Variants in FHIT observed in about 807,000 individuals in gnomAD.
FHIT encodes the protein fragile histidine triad diadenosine triphosphatase, also known as bis(5'-adenosyl)-triphosphatase.
Under a neutral mutation model 17.9 loss-of-function variants are expected in FHIT, and 19 were observed. The ratio of observed to expected loss-of-function variants is 1.06; its 90% CI spans 0.74 to 1.56. The LOEUF (loss-of-function observed/expected upper bound fraction) is 1.56. Ranked by LOEUF, FHIT falls within the 40% of genes most tolerant of loss-of-function variation. The pLI is 0.00. For synonymous variants in FHIT, 81 were observed against 69.7 expected, an observed-to-expected ratio of 1.16 and a Z score of -0.81; for missense variants, 248 against 189.2, an observed-to-expected ratio of 1.31 and a Z score of -1.82.
At position 60,947,091 on chromosome 3, in the gene FHIT, G is replaced by A. The variant is rs539935716; in HGVS notation, c.-111+94956C>T. Among the ~76,000 whole-genome samples the A allele has an allele frequency of 1.7e-4, 26 of 152,308 alleles. No individual in the cohort carries two copies. In the South Asian group the frequency reaches 5.4e-3, roughly 32 times the overall value. The stretch of plus-strand genomic sequence containing the variant: ...TTCTTCTTAATCTCTGAGTCTTGAG[G>A]AAAAGGGCAAGGGCAGGTATGAGTC... On this transcript the variant is annotated intron_variant, in intron 3 of 9. Coordinates refer to ENST00000492590, the MANE Select transcript of FHIT (RefSeq NM_002012.4).
chr3:60,512,718 C>T (rs999896488), intron 5 of FHIT, among the ~76,000 whole-genome samples: 5 of 152,126 alleles, frequency 3.3e-5, no homozygotes, highest in African/African-American at 1.2e-4. Context: ...TATTTGGTGT[C>T]CTTGCCAAAA....
chr3:60,299,422 T>G (rs552239215), intron 5 of FHIT, among the ~76,000 whole-genome samples: 1 of 152,246 alleles, frequency 6.6e-6, no homozygotes, highest in African/African-American at 2.4e-5. Context: ...ATGAATATTC[T>G]TCCTTCATCT....
At chr3:60,950,798 C>G (rs137898338) in intron 3 of FHIT, among the ~76,000 whole-genome samples, 2,272 of 151,860 alleles carry the variant, frequency 0.015, 59 homozygotes, top group African/African-American at 0.052. Flanking sequence ...GCTGAGATTA[C>G]AGGCGTGAGC....
intron 5 of FHIT, among the ~76,000 whole-genome samples, chr3:60,205,199 C>A (rs974062154): frequency 1.3e-5 from 2 of 152,022 alleles, no homozygotes; most frequent in Admixed American, 6.5e-5. Context: ...AATTATGTTA[C>A]CGCCACTGGA....
chr3:60,019,262 T>C (rs954493998), intron 5 of FHIT, among the ~76,000 whole-genome samples: 1 of 152,232 alleles, frequency 6.6e-6, no homozygotes, highest in East Asian at 1.9e-4. Flanking sequence ...GTAGAGATAT[T>C]CTGTCTTCTA....
chr3:60,705,031 T>C (rs1266475150), intron 4 of FHIT, among the ~76,000 whole-genome samples: 1 of 151,380 alleles, frequency 6.6e-6, no homozygotes, highest in East Asian at 1.9e-4. Context: ...ACATACTCTG[T>C]TAAGTCCACT....
intron 3 of FHIT, among the ~76,000 whole-genome samples, chr3:60,970,450 T>TAATTAATTAAGAATAATTAA (rs1709959204): frequency 2.0e-5 from 3 of 152,194 alleles, no homozygotes; most frequent in Non-Finnish European, 4.4e-5. Context: ...ATTTAGTGTT[T>TAATTAATTAAGAATAATTAA]TGTATTAATA....
intron 5 of FHIT, among the ~76,000 whole-genome samples, chr3:60,339,565 C>T (rs1297481789): frequency 2.6e-5 from 4 of 152,186 alleles, no homozygotes; most frequent in African/African-American, 9.7e-5. Context: ...TTTACCCAAG[C>T]TCCTTACTTA....
At chr3:60,007,900 G>A (rs188641087) in intron 7 of FHIT, among the ~76,000 whole-genome samples, 1 of 152,250 alleles carries the variant, frequency 6.6e-6, no homozygotes, top group African/African-American at 2.4e-5. Flanking sequence ...TGGCACACTT[G>A]AGGGTAGACA....
intron 2 of FHIT, among the ~76,000 whole-genome samples, chr3:61,171,434 G>A (rs2038001148): frequency 1.3e-5 from 2 of 152,042 alleles, no homozygotes; most frequent in Non-Finnish European, 2.9e-5. Flanking sequence ...CTTTTGTTAT[G>A]CAGAAGCTCT....
At chr3:59,782,463 C>G (rs1314074657) in intron 8 of FHIT, among the ~76,000 whole-genome samples, 1 of 152,188 alleles carries the variant, frequency 6.6e-6, no homozygotes, top group East Asian at 1.9e-4. Flanking sequence ...TCATCTCACT[C>G]ATGAATCAGA....
At chr3:61,229,706 A>T (rs762412035) in intron 1 of FHIT, among the ~76,000 whole-genome samples, 3 of 152,212 alleles carry the variant, frequency 2.0e-5, no homozygotes, top group Admixed American at 1.3e-4. Flanking sequence ...AGTTTTCAGT[A>T]CATAATAGTG....
chr3:59,821,273 A>C (rs1465468434), intron 8 of FHIT, among the ~76,000 whole-genome samples: 1 of 152,212 alleles, frequency 6.6e-6, no homozygotes, highest in Non-Finnish European at 1.5e-5. Flanking sequence ...GAGTAGAAGA[A>C]AACAAACATG....
chr3:61,213,332 C>G (rs1456443719), intron 1 of FHIT, among the ~76,000 whole-genome samples: 1 of 150,380 alleles, frequency 6.6e-6, no homozygotes, highest in Non-Finnish European at 1.5e-5. Flanking sequence ...AAATGGAAAA[C>G]AAAAAAAGGC....
intron 5 of FHIT, among the ~76,000 whole-genome samples, chr3:60,111,956 A>G (rs1704692095): frequency 6.6e-6 from 1 of 152,144 alleles, no homozygotes; most frequent in African/African-American, 2.4e-5. Context: ...TATTATTTGT[A>G]TCTCTTAAAT....
In FHIT at chr3:60,663,153, G is replaced by GTGATATATATATAT. The variant is rs57146494; in HGVS notation, c.-17-126175_-17-126174insATATATATATATCA. Among the ~76,000 whole-genome samples, 142 of 78,006 alleles carry GTGATATATATATAT rather than the reference G, an allele frequency of 1.8e-3. 21 individuals are homozygous for GTGATATATATATAT. The highest frequency in any genetic ancestry group is 3.8e-3 in the Admixed American group (28 of 7,378). 51.2% of individuals were successfully genotyped at this position (78,006 alleles called of 152,430 possible). A position where few individuals can be genotyped will look rare whatever the true frequency, so the allele number is the denominator to read the frequency against. The stretch of plus-strand genomic sequence containing the variant: ...CTATATAGCCCTAATATTGGGTGGA[G>GTGATATATATATAT]ATATATATCTCTTTAATGTTGGGTT... On this transcript the variant is annotated intron_variant, in intron 4 of 9. Transcript: ENST00000492590.
chr3:59,925,566 C>T (rs1384373118), intron 7 of FHIT, among the ~76,000 whole-genome samples: 1 of 152,178 alleles, frequency 6.6e-6, no homozygotes, highest in African/African-American at 2.4e-5. Context: ...CCCCTGCCTA[C>T]TATTCTTTAC....
At chr3:60,383,588 T>C (rs1322227826) in intron 5 of FHIT, among the ~76,000 whole-genome samples, 3 of 152,006 alleles carry the variant, frequency 2.0e-5, no homozygotes, top group Non-Finnish European at 2.9e-5. Flanking sequence ...GAAAAAACCA[T>C]GCCCTAAAGC....
intron 3 of FHIT, among the ~76,000 whole-genome samples, chr3:61,010,117 T>C (rs1293876918): frequency 1.3e-5 from 2 of 152,222 alleles, no homozygotes; most frequent in African/African-American, 4.8e-5. Context: ...AAGCATGGTA[T>C]CTCTGCGCAT....
Sources: gnomAD v4.1 joint callset for allele counts (sites outside exome capture counted in the v4.1 genomes callset) on GRCh38, gnomAD v4.1.1 for gene constraint, MANE v1.5 for transcripts, NCBI Gene and HGNC (gene_info 2026-07-23, HGNC 2026-07-21) for gene names.